Variants in PRMT8 observed in about 807,000 individuals in gnomAD.
The protein encoded by PRMT8 is protein arginine methyltransferase 8.
Under a neutral mutation model 47.1 loss-of-function variants are expected in PRMT8, and 7 were observed. The ratio of observed to expected loss-of-function variants is 0.15; its 90% CI spans 0.08 to 0.28. The LOEUF is 0.28. Ranked by LOEUF, PRMT8 falls within the 10% of genes least tolerant of loss-of-function variation. PRMT8 has a pLI of 1.00. For synonymous variants in PRMT8, 188 were observed against 186.5 expected, an observed-to-expected ratio of 1.01 and a Z score of -0.07; for missense variants, 237 against 505.4, an observed-to-expected ratio of 0.47 and a Z score of 5.09.
chr12:3,499,379 G>A (rs1591572983), intron 1 of PRMT8, among the ~76,000 whole-genome samples: 2 of 86,836 alleles, frequency 2.3e-5, no homozygotes, highest in African/African-American at 1.0e-4. Flanking sequence ...CCCAGAGTGT[G>A]ATATTCCCCT....
chr12:3,480,219 T>C (rs1004523368), intron 1 of PRMT8, among the ~76,000 whole-genome samples: 3 of 152,104 alleles, frequency 2.0e-5, no homozygotes, highest in Non-Finnish European at 2.9e-5. Flanking sequence ...AGGCGGTATT[T>C]AAATTAAAGC....
chr12:3,434,522 C>A (rs1403970945), intron 1 of PRMT8, among the ~76,000 whole-genome samples: 1 of 152,132 alleles, frequency 6.6e-6, no homozygotes, highest in East Asian at 1.9e-4. Flanking sequence ...TAAACACACA[C>A]CATAAAATGG....
chr12:3,522,625 T>C (rs1295011889), intron 1 of PRMT8, among the ~76,000 whole-genome samples: 1 of 146,242 alleles, frequency 6.8e-6, no homozygotes, highest in Non-Finnish European at 1.5e-5. Context: ...ATTGCACCAC[T>C]GCACTCCAGC....
chr12:3,467,239 C>CAAAAA (rs10694948), intron 1 of PRMT8, among the ~76,000 whole-genome samples: 138 of 48,672 alleles, frequency 2.8e-3, no homozygotes, highest in African/African-American at 4.5e-3. Context: ...GACTCCATCT[C>CAAAAA]AAAAAAAAAA....
At chr12:3,517,023 A>G (rs1865803419) in intron 1 of PRMT8, among the ~76,000 whole-genome samples, 1 of 152,158 alleles carries the variant, frequency 6.6e-6, no homozygotes, top group South Asian at 2.1e-4. Context: ...CAACAACAGC[A>G]ACAACAAAAA....
chr12:3,455,125 C>T (rs1396222316), intron 1 of PRMT8, among the ~76,000 whole-genome samples: 1 of 152,126 alleles, frequency 6.6e-6, no homozygotes, highest in Non-Finnish European at 1.5e-5. Flanking sequence ...TAGCTCAGTG[C>T]CCTGTGACCA....
In PRMT8 at chr12:3,569,643, C is replaced by A; in HGVS notation, c.712+79C>A. On this transcript the variant is annotated intron_variant, in intron 6 of 9. Coordinates refer to ENST00000382622, the MANE Select transcript of PRMT8 (RefSeq NM_019854.5). This position sits in a 1 kb window ranked among gnomAD's most constrained non-coding sequence, Gnocchi z 8.2. ...GGCACTCCAGTGGGCCCGAGATGAG[C>A]AGGCAGTGACATGAACACCATTGCT... The A allele has an allele frequency of 9.0e-7, 1 of 1,115,148 alleles. No individual in the cohort carries two copies. The highest frequency in any genetic ancestry group is 1.4e-6 in the Non-Finnish European group (1 of 726,640). The allele number at this position is 1,115,148 out of a possible 1,614,324, so 69.1% of individuals were successfully genotyped here. A position where few individuals can be genotyped will look rare whatever the true frequency, so the allele number is the denominator to read the frequency against.
At chr12:3,387,326 C>T (rs1864150692) in intron 1 of PRMT8, among the ~76,000 whole-genome samples, 1 of 152,152 alleles carries the variant, frequency 6.6e-6, no homozygotes, top group African/African-American at 2.4e-5. Flanking sequence ...AGGATGTCCC[C>T]ATTATAATTA....
intron 1 of PRMT8, among the ~76,000 whole-genome samples, chr12:3,469,892 T>C (rs1402404306): frequency 1.3e-5 from 2 of 151,896 alleles, no homozygotes; most frequent in African/African-American, 4.8e-5. Context: ...TGGGCTTCTG[T>C]CAGTGCCACC....
chr12:3,486,088 G>T (rs1421517165), intron 1 of PRMT8, among the ~76,000 whole-genome samples: 2 of 152,140 alleles, frequency 1.3e-5, no homozygotes, highest in Non-Finnish European at 2.9e-5. Context: ...GGAGAGAAAA[G>T]GCTATAAAAC....
chr12:3,548,225 A>G (rs1482769621), intron 2 of PRMT8, among the ~76,000 whole-genome samples: 5 of 152,248 alleles, frequency 3.3e-5, no homozygotes, highest in Admixed American at 6.5e-5. Context: ...AGCCACAGCC[A>G]TAAAGACTCT....
intron 1 of PRMT8, among the ~76,000 whole-genome samples, chr12:3,527,586 A>T (rs1865966795): frequency 6.6e-6 from 1 of 152,178 alleles, no homozygotes; most frequent in Admixed American, 6.5e-5. Context: ...TCAACGATAT[A>T]TCACCATTCC....
intron 2 of PRMT8, among the ~76,000 whole-genome samples, chr12:3,547,405 CA>C (rs1428525266): frequency 6.6e-6 from 1 of 151,350 alleles, no homozygotes; most frequent in African/African-American, 2.4e-5. Context: ...AGAAAGGCTG[CA>C]AAATACAAGG....
At chr12:3,395,736 T>C (rs1369979120) in intron 1 of PRMT8, among the ~76,000 whole-genome samples, 1 of 149,496 alleles carries the variant, frequency 6.7e-6, no homozygotes, top group Non-Finnish European at 1.5e-5. Flanking sequence ...GTCTGCTTGG[T>C]GCAGAGCTGA....
intron 1 of PRMT8, among the ~76,000 whole-genome samples, chr12:3,396,407 G>T (rs1203939737): frequency 6.6e-6 from 1 of 152,028 alleles, no homozygotes; most frequent in African/African-American, 2.4e-5. Context: ...GGGCAGGCCT[G>T]GTGGTAACAA....
chr12:3,493,379 G>GCGCTT lies in PRMT8; in HGVS notation c.75+1681_75+1685dup. 2.0e-5 allele frequency among the ~76,000 whole-genome samples: 3 copies of GCGCTT among 152,352 alleles called. No individual in the cohort carries two copies. The highest frequency in any genetic ancestry group is 2.0e-4 in the Admixed American group (3 of 15,312). On this transcript the variant is annotated intron_variant, in intron 1 of 9. Transcript: ENST00000382622. The surrounding 1 kb of genome is among the most constrained non-coding windows in gnomAD (Gnocchi z 8.2). ...AAAAATAGCCCAGGGCTTCAAGGCCGCGCTTCTGTGAAGTGTGGAGCGAGC... is the reference window on the plus strand; with the variant it reads ...AAAAATAGCCCAGGGCTTCAAGGCCGCGCTTCGCTTCTGTGAAGTGTGGAGCGAGC...
At chr12:3,389,678 A>G (rs1400892167) in intron 1 of PRMT8, among the ~76,000 whole-genome samples, 1 of 152,228 alleles carries the variant, frequency 6.6e-6, no homozygotes, top group Non-Finnish European at 1.5e-5. Flanking sequence ...ACACTCATCT[A>G]CTGCCCTGGG....
At chr12:3,573,246 T>A (rs11062727) in intron 6 of PRMT8, among the ~76,000 whole-genome samples, 2,175 of 152,348 alleles carry the variant, frequency 0.014, 37 homozygotes, top group Non-Finnish European at 0.014. Flanking sequence ...GGTTATTCCC[T>A]GATATATTCA....
intron 1 of PRMT8, among the ~76,000 whole-genome samples, chr12:3,404,447 A>AAC (rs1864352909): frequency 6.6e-6 from 1 of 152,206 alleles, no homozygotes; most frequent in African/African-American, 2.4e-5. Context: ...TCGCTAAGTG[A>AAC]ACATACTCAT....
Sources: gnomAD v4.1 joint callset for allele counts (sites outside exome capture counted in the v4.1 genomes callset) on GRCh38, gnomAD v4.1.1 for gene constraint, Gnocchi (gnomAD v3.1) non-coding constraint, MANE v1.5 for transcripts, NCBI Gene and HGNC (gene_info 2026-07-23, HGNC 2026-07-21) for gene names.